The following BAZ1A variants were observed in gnomAD, a reference collection of about 807,000 sequenced individuals.
BAZ1A encodes the protein bromodomain adjacent to zinc finger domain 1A.
In BAZ1A, 50 loss-of-function variants were observed where a neutral mutation model predicts 185.2. That is an observed-to-expected ratio of 0.27 (90% CI 0.22 to 0.34). The LOEUF is 0.34. Among genes scored for constraint, BAZ1A ranks in the 10% least tolerant of loss-of-function variants. The pLI is 1.00. For synonymous variants in BAZ1A, 571 were observed against 615.6 expected, an observed-to-expected ratio of 0.93 and a Z score of 1.07; for missense variants, 1,356 against 1,839.9, an observed-to-expected ratio of 0.74 and a Z score of 4.81.
At chr14:34,795,028 T>C (rs1881107004) in intron 10 of BAZ1A, 141 bp from the exon 11 acceptor site, 1 of 1,168,486 alleles carries the variant, frequency 8.6e-7, no homozygotes, top group South Asian at 1.7e-5. Flanking sequence ...TTTATCACAA[T>C]CACCTTTGAA....
rs573190428 is a variant in BAZ1A, at chr14:34,839,640, T to G, written c.393-13484A>C. 1.1e-4 allele frequency among the ~76,000 whole-genome samples: 17 copies of G among 151,174 alleles called. No homozygotes were observed. The East Asian group carries it at 1.2e-3, about 10-fold the overall frequency. On this transcript the variant is annotated intron_variant, in intron 3 of 26. Transcript: ENST00000360310. The stretch of plus-strand genomic sequence containing the variant: ...GGGCGGATTATGAGGTCAGGAGATC[T>G]AGACCATCCTGGCTAACATGGAGAA...
intron 26 of BAZ1A, among the ~76,000 whole-genome samples, chr14:34,754,550 A>T (rs1300342715): frequency 6.6e-6 from 1 of 152,202 alleles, no homozygotes; most frequent in East Asian, 1.9e-4. Context: ...CAATTATGTG[A>T]TCATATACAT....
intron 4 of BAZ1A, among the ~76,000 whole-genome samples, chr14:34,822,788 T>C (rs761091126): frequency 4.6e-5 from 7 of 152,216 alleles, no homozygotes; most frequent in Non-Finnish European, 8.8e-5. Flanking sequence ...AAACTTCCTA[T>C]AAATGTCACA....
chr14:34,813,192 T>G (rs1200396), intron 4 of BAZ1A, among the ~76,000 whole-genome samples: 131,244 of 151,916 alleles, frequency 0.86, 57,637 homozygotes, highest in Non-Finnish European at 0.96. Flanking sequence ...AGACCAACCT[T>G]GGCAACATGG....
At chr14:34,772,245 C>T (rs573411375) in intron 20 of BAZ1A, among the ~76,000 whole-genome samples, 2 of 152,212 alleles carry the variant, frequency 1.3e-5, no homozygotes, top group East Asian at 1.9e-4. Context: ...TCAGCCACTG[C>T]GCCTGGCCTA....
chr14:34,838,382 G>A (rs111988340), intron 3 of BAZ1A, among the ~76,000 whole-genome samples: 8 of 152,276 alleles, frequency 5.3e-5, no homozygotes, highest in African/African-American at 1.7e-4. Context: ...ATCTGTTTCA[G>A]AAAATTGAAA....
At chr14:34,854,104 G>GAT (rs1311734012) in intron 3 of BAZ1A, among the ~76,000 whole-genome samples, 1 of 149,802 alleles carries the variant, frequency 6.7e-6, no homozygotes, top group Admixed American at 6.7e-5. Flanking sequence ...GAGAGAGAAG[G>GAT]ATATATGATG....
intron 5 of BAZ1A, among the ~76,000 whole-genome samples, chr14:34,808,787 A>G (rs2138672473): frequency 6.6e-6 from 1 of 152,288 alleles, no homozygotes; most frequent in African/African-American, 2.4e-5. Flanking sequence ...CAAACAAAAC[A>G]AAACCAATAG....
intron 2 of BAZ1A, among the ~76,000 whole-genome samples, chr14:34,868,158 T>G (rs1357342503): frequency 5.3e-5 from 8 of 152,208 alleles, no homozygotes; most frequent in Admixed American, 1.3e-4. Flanking sequence ...TGTAGATTTT[T>G]TGGGGAACAC....
At chr14:34,815,864 T>C (rs995375562) in intron 4 of BAZ1A, among the ~76,000 whole-genome samples, 3 of 152,098 alleles carry the variant, frequency 2.0e-5, no homozygotes, top group African/African-American at 4.8e-5. Context: ...ACAGGAGATA[T>C]ATATATGTAT....
At chr14:34,768,809 A>G in intron 21 of BAZ1A, 2 of 398,302 alleles carry the variant, frequency 5.0e-6, no homozygotes, top group Non-Finnish European at 4.9e-6. Context: ...AGTTAGTTGA[A>G]GATTTTTTTT....
At chr14:34,759,384 C>T (rs1008980606) in intron 24 of BAZ1A, among the ~76,000 whole-genome samples, 6 of 151,930 alleles carry the variant, frequency 3.9e-5, no homozygotes, top group South Asian at 2.1e-4. Flanking sequence ...AGGGTTTCAC[C>T]GTGTTAGCTA....
intron 21 of BAZ1A, chr14:34,768,753 T>C: frequency 2.3e-6 from 1 of 436,012 alleles, no homozygotes; most frequent in Non-Finnish European, 4.5e-6. Context: ...TCTATCTCCC[T>C]TTTGATCCTT....
intron 4 of BAZ1A, among the ~76,000 whole-genome samples, chr14:34,811,580 C>T (rs543264711): frequency 1.3e-5 from 2 of 152,178 alleles, no homozygotes; most frequent in East Asian, 1.9e-4. Context: ...CCTACCTTGG[C>T]GTCCCAAAGT....
At chr14:34,810,809 T>G in intron 5 of BAZ1A, 126 bp downstream of exon 5, 8 of 707,584 alleles carry the variant, frequency 1.1e-5, no homozygotes, top group African/African-American at 3.6e-5. Context: ...AACATATAAA[T>G]GTACATTTAT....
chr14:34,835,641 A>C (rs1237962117), intron 3 of BAZ1A, among the ~76,000 whole-genome samples: 3 of 151,694 alleles, frequency 2.0e-5, no homozygotes, highest in African/African-American at 7.3e-5. Flanking sequence ...AATTAGTCAT[A>C]AATCTGTAAT....
intron 12 of BAZ1A, among the ~76,000 whole-genome samples, chr14:34,790,025 G>A (rs1880738550): frequency 6.6e-6 from 1 of 152,114 alleles, no homozygotes; most frequent in African/African-American, 2.4e-5. Context: ...GAAACAATGC[G>A]TAGTCTCTTA....
Position 34,792,732 on chromosome 14 carries a change from C to T in BAZ1A, c.1510+43G>A. On this transcript the variant is annotated intron_variant, in intron 12 of 26. Transcript: ENST00000360310. ...TGGCCCTCAAAAATTAGTTTCGCTA[C>T]AAAACTACTATGGTTCAATCAGCAA... 3 of 1,590,584 alleles carry T rather than the reference C, an allele frequency of 1.9e-6. 1 individual carries two copies. The highest frequency in any genetic ancestry group is 2.6e-6 in the Non-Finnish European group (3 of 1,174,280).
intron 3 of BAZ1A, among the ~76,000 whole-genome samples, chr14:34,857,100 A>G (rs567434272): frequency 1.3e-3 from 195 of 146,496 alleles, no homozygotes; most frequent in South Asian, 4.8e-3. Flanking sequence ...TCCGCCTCCC[A>G]GGTTCACATC....
Sources: gnomAD v4.1 joint callset for allele counts (sites outside exome capture counted in the v4.1 genomes callset) on GRCh38, gnomAD v4.1.1 for gene constraint, MANE v1.5 for transcripts, NCBI Gene and HGNC (gene_info 2026-07-23, HGNC 2026-07-21) for gene names.